Variants in UBAC2 observed in about 807,000 individuals in gnomAD.
UBAC2 encodes the protein UBA domain containing 2.
Under a neutral mutation model 44.0 loss-of-function variants are expected in UBAC2, and 26 were observed. The ratio of observed to expected loss-of-function variants is 0.59; its 90% CI spans 0.43 to 0.82. The LOEUF is 0.82. Among genes scored for constraint, UBAC2 ranks in the 40% least tolerant of loss-of-function variants. UBAC2 has a pLI of 0.00. For synonymous variants in UBAC2, 155 were observed against 154.3 expected (o/e 1.00, Z -0.04); for missense variants, 329 against 419.4 (o/e 0.78, Z 1.88).
chr13:99,315,567 G>A (rs16956456), intron 5 of UBAC2, among the ~76,000 whole-genome samples: 2,313 of 152,226 alleles, frequency 0.015, 60 homozygotes, highest in African/African-American at 0.053. Flanking sequence ...TTGAATTTCG[G>A]TTTAATGACT....
chr13:99,275,284 A>C (rs1198183071), intron 4 of UBAC2, among the ~76,000 whole-genome samples: 1 of 152,150 alleles, frequency 6.6e-6, no homozygotes, highest in East Asian at 1.9e-4. Context: ...TGTTGGCAGG[A>C]AGCCTCAGCT....
At chr13:99,356,022 G>A in intron 7 of UBAC2, 1 of 399,226 alleles carries the variant, frequency 2.5e-6, no homozygotes, top group South Asian at 1.9e-5. Context: ...GAACCTGTTT[G>A]TAAAATTGTA....
intron 1 of UBAC2, among the ~76,000 whole-genome samples, chr13:99,212,525 G>A (rs2042947008): frequency 6.6e-6 from 1 of 152,170 alleles, no homozygotes; most frequent in African/African-American, 2.4e-5. Context: ...GTTAGGTTGG[G>A]AATGTTGTTG....
At chr13:99,220,697 C>A (rs1370676712) in intron 1 of UBAC2, among the ~76,000 whole-genome samples, 3 of 152,068 alleles carry the variant, frequency 2.0e-5, no homozygotes, top group Non-Finnish European at 4.4e-5. Flanking sequence ...TTTTTCTTAA[C>A]CTTCTGTTTG....
chr13:99,256,403 A>G (rs1409287094), intron 4 of UBAC2: 2 of 152,284 alleles, frequency 1.3e-5, no homozygotes, highest in Admixed American at 1.3e-4. Flanking sequence ...CAAGAACTAG[A>G]CTGTTAGAGC....
chr13:99,205,119 G>A (rs1390147631), intron 1 of UBAC2, among the ~76,000 whole-genome samples: 1 of 152,174 alleles, frequency 6.6e-6, no homozygotes, highest in Non-Finnish European at 1.5e-5. Context: ...GGCCAGGTTG[G>A]TCTTGATCTC....
intron 4 of UBAC2, among the ~76,000 whole-genome samples, chr13:99,284,024 C>T (rs1323628266): frequency 2.0e-5 from 3 of 152,162 alleles, no homozygotes; most frequent in Non-Finnish European, 2.9e-5. Flanking sequence ...TGAGCCACCA[C>T]GCCTGGCCAA....
chr13:99,338,039 CTTTTTTTCTTTTTTTTTTTT>C (rs1341736551), intron 6 of UBAC2, among the ~76,000 whole-genome samples: 4 of 91,562 alleles, frequency 4.4e-5, no homozygotes, highest in Non-Finnish European at 5.8e-5. Context: ...AACTTTTTTT[CTTTTTTTCTTTTTTTTTTTT>C]TTTTTTTTTT....
intron 1 of UBAC2, among the ~76,000 whole-genome samples, chr13:99,221,331 C>T (rs934812722): frequency 3.3e-5 from 5 of 152,176 alleles, no homozygotes; most frequent in Non-Finnish European, 7.4e-5. Flanking sequence ...TTACACAGGG[C>T]ACTACTTTGA....
intron 8 of UBAC2, among the ~76,000 whole-genome samples, chr13:99,368,422 T>G (rs2045360127): frequency 2.0e-5 from 3 of 152,126 alleles, no homozygotes; most frequent in Admixed American, 2.0e-4. Context: ...TTCAGTAACG[T>G]TTGTACCGGA....
At chr13:99,235,664 C>T (rs775234807) in intron 1 of UBAC2, among the ~76,000 whole-genome samples, 8 of 152,162 alleles carry the variant, frequency 5.3e-5, no homozygotes, top group African/African-American at 1.7e-4. Context: ...AATGGAGAAA[C>T]GACAGTCCCT....
At chr13:99,249,614 C>A (rs978681807) in intron 4 of UBAC2, among the ~76,000 whole-genome samples, 1 of 152,184 alleles carries the variant, frequency 6.6e-6, no homozygotes, top group Non-Finnish European at 1.5e-5. Flanking sequence ...GAGAAATCTC[C>A]AAACTGCTTT....
intron 1 of UBAC2, among the ~76,000 whole-genome samples, chr13:99,208,707 C>T: frequency 6.6e-6 from 1 of 152,146 alleles, no homozygotes; most frequent in Non-Finnish European, 1.5e-5. Flanking sequence ...TTGTGTCTGA[C>T]TTCACTAGTT....
At chr13:99,246,167 G>A (rs1447165165) in intron 4 of UBAC2, among the ~76,000 whole-genome samples, 1 of 152,214 alleles carries the variant, frequency 6.6e-6, no homozygotes, top group African/African-American at 2.4e-5. Flanking sequence ...AATGTTTACA[G>A]TGTAGCTGCC....
chr13:99,207,949 G>C (rs2042892001), intron 1 of UBAC2, among the ~76,000 whole-genome samples: 1 of 151,304 alleles, frequency 6.6e-6, no homozygotes. Context: ...TTCAGTGTGT[G>C]GGAGATGATG....
intron 2 of UBAC2, among the ~76,000 whole-genome samples, chr13:99,241,883 G>A (rs1435225838): frequency 6.7e-6 from 1 of 148,476 alleles, no homozygotes; most frequent in Non-Finnish European, 1.5e-5. Context: ...AGGACCCTGC[G>A]GCCTTCCGCA....
chr13:99,372,539 T>C (rs1158728264), intron 8 of UBAC2: 2 of 152,210 alleles, frequency 1.3e-5, no homozygotes, highest in Non-Finnish European at 2.9e-5. Context: ...TGGTGAGCTG[T>C]GGAATCAGTG....
At position 99,209,295 on chromosome 13, in the gene UBAC2, G is replaced by T. The variant is rs574789683; in HGVS notation, c.31+8356G>T. Among the ~76,000 whole-genome samples the T allele has an allele frequency of 7.2e-5, 11 of 152,288 alleles. No individual in the cohort carries two copies. In the South Asian group the frequency reaches 1.7e-3, roughly 23 times the overall value. On this transcript the variant is annotated intron_variant, in intron 1 of 8. Transcript: ENST00000403766. ...CCCCCTCCTCCTGTCCTGTCTTCAC[G>T]GGAGGGAACCCTCACATTCCACTGT...
rs540520205 is a variant in UBAC2, at chr13:99,334,587, A to G, written c.562-5733A>G. Among the ~76,000 whole-genome samples, 3 of 152,304 alleles carry G rather than the reference A, an allele frequency of 2.0e-5. No individual in the cohort carries two copies. The South Asian group carries it at 6.2e-4, about 32-fold the overall frequency. On this transcript the variant is annotated intron_variant, in intron 6 of 8. Coordinates refer to ENST00000403766, the MANE Select transcript of UBAC2 (RefSeq NM_001144072.2). ...GTAATTCAGTATTAACTCCAAATAT[A>G]TTATGCTCAATTTTGAATGCATATT...
Sources: gnomAD v4.1 joint callset for allele counts (sites outside exome capture counted in the v4.1 genomes callset) on GRCh38, gnomAD v4.1.1 for gene constraint, MANE v1.5 for transcripts, NCBI Gene and HGNC (gene_info 2026-07-23, HGNC 2026-07-21) for gene names.